The following CEP63 variants were observed in gnomAD, a reference collection of about 807,000 sequenced individuals.
CEP63 encodes the protein centrosomal protein of 63 kDa.
CEP63 carries 84 observed loss-of-function variants against 89.1 expected under a neutral mutation model. That is an observed-to-expected ratio of 0.94 (90% CI 0.79 to 1.13). The LOEUF (loss-of-function observed/expected upper bound fraction) is 1.13. CEP63 is among the 50% of genes most tolerant of loss of function. The probability of loss-of-function intolerance (pLI) is 0.00; values close to 1 mark genes in which losing one functional copy is unlikely to be tolerated. For missense variants in CEP63, 838 were observed against 813.3 expected, an observed-to-expected ratio of 1.03 and a Z score of -0.37; for synonymous variants, 267 against 272.5, an observed-to-expected ratio of 0.98 and a Z score of 0.20.
At chr3:134,499,820 CTTTTTTTT>C (rs747946881) in intron 2 of CEP63, among the ~76,000 whole-genome samples, 2 of 99,128 alleles carry the variant, frequency 2.0e-5, no homozygotes, top group African/African-American at 3.8e-5. Flanking sequence ...CCATCTTCAT[CTTTTTTTT>C]TTTTTTTTTT....
At chr3:134,587,936 T>G (rs1231145305), downstream of CEP63, among the ~76,000 whole-genome samples, 3 of 152,232 alleles carry the variant, frequency 2.0e-5, no homozygotes, top group East Asian at 5.8e-4. Context: ...CAAACTTGAA[T>G]TAATGGACAT....
At chr3:134,490,111 G>A (rs549466167) in intron 1 of CEP63, among the ~76,000 whole-genome samples, 1 of 152,098 alleles carries the variant, frequency 6.6e-6, no homozygotes, top group African/African-American at 2.4e-5. Context: ...AGGTGGGAGA[G>A]GTGTTCTTGC....
the CEP63 span, among the ~76,000 whole-genome samples, chr3:134,693,119 G>A: frequency 6.6e-6 from 1 of 152,170 alleles, no homozygotes; most frequent in Non-Finnish European, 1.5e-5. Flanking sequence ...GTGTTTCCAA[G>A]CGTCCCTTGT....
At chr3:134,622,077 A>C in the CEP63 span, among the ~76,000 whole-genome samples, 3 of 152,238 alleles carry the variant, frequency 2.0e-5, no homozygotes, top group Non-Finnish European at 4.4e-5. Flanking sequence ...TGTTGGCAAG[A>C]ATATGGAGGA....
chr3:134,603,511 T>C, the CEP63 span: 3 of 1,433,912 alleles, frequency 2.1e-6, no homozygotes, highest in African/African-American at 1.4e-5. Flanking sequence ...CTCCCTGCAC[T>C]TCCTTCGAGC....
At chr3:134,515,478 C>G (rs1178742758) in intron 3 of CEP63, among the ~76,000 whole-genome samples, 5 of 152,026 alleles carry the variant, frequency 3.3e-5, no homozygotes, top group African/African-American at 1.2e-4. Context: ...AACATGCAAA[C>G]AGTTTGACTA....
downstream of CEP63, among the ~76,000 whole-genome samples, chr3:134,566,523 A>G (rs528880576): frequency 6.6e-6 from 1 of 152,012 alleles, no homozygotes; most frequent in Admixed American, 6.6e-5. Context: ...GAGGAGTCCA[A>G]CCTCTCCCTT....
chr3:134,547,691 A>G (rs544092083), intron 9 of CEP63, among the ~76,000 whole-genome samples: 93 of 141,874 alleles, frequency 6.6e-4, no homozygotes, highest in African/African-American at 2.3e-3. Context: ...GCTCACTGCA[A>G]CCTCCGCCTC....
intron 12 of CEP63, among the ~76,000 whole-genome samples, chr3:134,555,709 TA>T (rs1464454163): frequency 4.6e-5 from 7 of 151,888 alleles, no homozygotes; most frequent in Non-Finnish European, 7.4e-5. Flanking sequence ...CAAGGTAATT[TA>T]CAGATTCAAT....
At chr3:134,736,737 G>A in the CEP63 span, among the ~76,000 whole-genome samples, 2 of 152,054 alleles carry the variant, frequency 1.3e-5, no homozygotes, top group Non-Finnish European at 2.9e-5. Flanking sequence ...ATCCTCAAAG[G>A]ATTCTATAAA....
chr3:134,573,636 C>G (rs1958107252), intron 11 of CEP63, among the ~76,000 whole-genome samples: 1 of 152,112 alleles, frequency 6.6e-6, no homozygotes, highest in Non-Finnish European at 1.5e-5. Context: ...CTGTACCATG[C>G]TGTTTTGGTT....
At chr3:134,591,593 T>C (rs6808670), downstream of CEP63, among the ~76,000 whole-genome samples, 1 of 151,584 alleles carries the variant, frequency 6.6e-6, no homozygotes, top group Non-Finnish European at 1.5e-5. Flanking sequence ...CAATGGCTCA[T>C]GCCTGTAATC....
the CEP63 span, chr3:134,651,623 C>T: frequency 1.7e-5 from 17 of 987,246 alleles, no homozygotes; most frequent in Non-Finnish European, 2.0e-5. Flanking sequence ...AGGAGCTCCC[C>T]CCAGTTACGG....
At chr3:134,567,467 CAAAAAAAA>C (rs61700362), downstream of CEP63, among the ~76,000 whole-genome samples, 1 of 134,112 alleles carries the variant, frequency 7.5e-6, no homozygotes, top group Non-Finnish European at 1.6e-5. Flanking sequence ...TCACTGTTAC[CAAAAAAAA>C]AAAAAAAAGC....
the CEP63 span, among the ~76,000 whole-genome samples, chr3:134,770,249 T>C: frequency 6.6e-6 from 1 of 152,208 alleles, no homozygotes; most frequent in Non-Finnish European, 1.5e-5. Context: ...ATTCAGGACA[T>C]TCAATAGCAG....
the CEP63 span, among the ~76,000 whole-genome samples, chr3:134,623,786 T>C: frequency 3.9e-4 from 59 of 152,272 alleles, no homozygotes; most frequent in African/African-American, 1.4e-3. Flanking sequence ...CTTGAGCAGA[T>C]AGCACAGCTC....
chr3:134,625,963 T>C, the CEP63 span, among the ~76,000 whole-genome samples: 1 of 152,242 alleles, frequency 6.6e-6, no homozygotes, highest in South Asian at 2.1e-4. Flanking sequence ...AGGAGAGCCA[T>C]AATCAGCTAT....
the CEP63 span, among the ~76,000 whole-genome samples, chr3:134,594,149 C>G: frequency 2.0e-5 from 3 of 152,114 alleles, no homozygotes; most frequent in Non-Finnish European, 4.4e-5. Flanking sequence ...ATCTGTAATC[C>G]CACCGTCATT....
chr3:134,639,025 A>G, the CEP63 span, among the ~76,000 whole-genome samples: 1 of 148,450 alleles, frequency 6.7e-6, no homozygotes, highest in Non-Finnish European at 1.5e-5. Flanking sequence ...CTTTTTCTAT[A>G]ACAGGTTGGC....
Sources: allele counts gnomAD v4.1 joint callset (sites outside exome capture counted in the v4.1 genomes callset), GRCh38; gene constraint gnomAD v4.1.1; transcripts MANE v1.5; gene names NCBI Gene and HGNC (gene_info 2026-07-23, HGNC 2026-07-21).